The following CNTN6 variants were observed in gnomAD, a reference collection of about 807,000 sequenced individuals.
The protein encoded by CNTN6 is contactin 6.
A neutral mutation model predicts 122.8 loss-of-function variants in CNTN6; 137 were observed. The observed-to-expected ratio is 1.12, with a 90% CI of 0.97 to 1.29. CNTN6 has a LOEUF of 1.29. CNTN6 is among the 50% of genes most tolerant of loss of function. The pLI is 0.00. For missense variants in CNTN6, 1,634 were observed against 1,223.4 expected (o/e 1.34, Z -5.01); for synonymous variants, 570 against 426.0 (o/e 1.34, Z -4.16).
Position 1,227,799 on chromosome 3 carries a change from A to ATT in CNTN6, c.183-10_183-9dup. On this transcript the variant is annotated intron_variant, in intron 3 of 22. Coordinates refer to ENST00000446702, the MANE Select transcript of CNTN6 (RefSeq NM_001289080.2). ...TGACTCTGTATATTATAAGCACTTT[A>ATT]TTTTTTTTTTCCTTGAAGGTGGAAG... 1 of 1,500,536 alleles carries ATT rather than the reference A, an allele frequency of 6.7e-7. No homozygotes were observed. Among genetic ancestry groups the ATT allele is most frequent in the Non-Finnish European group, 9.1e-7 (1 of 1,096,064 alleles). 93.0% of individuals were successfully genotyped at this position (1,500,536 alleles called of 1,614,324 possible). A position where few individuals can be genotyped will look rare whatever the true frequency, so the allele number is the denominator to read the frequency against.
chr3:1,122,354 GGGAAGGAGGAAGGAA>G (rs1417071269), intron 1 of CNTN6, among the ~76,000 whole-genome samples: 1 of 120,474 alleles, frequency 8.3e-6, no homozygotes, highest in Admixed American at 7.6e-5. Flanking sequence ...GAGGGAAGGA[GGGAAGGAGGAAGGAA>G]GGAAGGAAGG....
chr3:1,230,157 TGA>T (rs2094335935), intron 4 of CNTN6, among the ~76,000 whole-genome samples: 1 of 152,178 alleles, frequency 6.6e-6, no homozygotes, highest in Non-Finnish European at 1.5e-5. Flanking sequence ...ATATCAATTG[TGA>T]TAGAAAAGGC....
intron 4 of CNTN6, among the ~76,000 whole-genome samples, chr3:1,247,623 G>C (rs1412555458): frequency 6.6e-6 from 1 of 152,084 alleles, no homozygotes; most frequent in East Asian, 1.9e-4. Context: ...ATCTTTCATT[G>C]GATAAAAATA....
Position 1,235,696 on chromosome 3 carries a change from C to T in CNTN6, c.358+7703C>T, listed in dbSNP as rs1386516062. 2.0e-5 allele frequency among the ~76,000 whole-genome samples: 3 copies of T among 152,204 alleles called. No individual in the cohort carries two copies. In the South Asian group the frequency reaches 6.2e-4, roughly 32 times the overall value. ...TACCCCAGGAACATACCAGGAAAGC[C>T]GAGAGAATCCACAAACCCTTTGAAA... is the stretch of plus-strand genomic sequence containing the variant. On this transcript the variant is annotated intron_variant, in intron 4 of 22. Transcript: ENST00000446702.
intron 3 of CNTN6, among the ~76,000 whole-genome samples, chr3:1,222,336 A>G (rs2094218235): frequency 6.6e-6 from 1 of 152,214 alleles, no homozygotes; most frequent in Admixed American, 6.5e-5. Flanking sequence ...TAGTGAGATC[A>G]CCTAATACTT....
chr3:1,133,067 T>A (rs1346594111), intron 1 of CNTN6, among the ~76,000 whole-genome samples: 2 of 152,018 alleles, frequency 1.3e-5, no homozygotes, highest in African/African-American at 4.8e-5. Flanking sequence ...ATACACAAGA[T>A]CCTGAAAAAT....
chr3:1,402,889 G>A (rs925597288), intron 22 of CNTN6: 15 of 190,656 alleles, frequency 7.9e-5, no homozygotes, highest in Non-Finnish European at 1.4e-4. Context: ...AATCAAGTGT[G>A]GCTTTCATAA....
chr3:1,385,005 A>G (rs1692645279), intron 19 of CNTN6, among the ~76,000 whole-genome samples: 1 of 151,720 alleles, frequency 6.6e-6, no homozygotes, highest in African/African-American at 2.4e-5. Flanking sequence ...TATTTTGTCA[A>G]ATTCTTGTAG....
intron 4 of CNTN6, among the ~76,000 whole-genome samples, chr3:1,265,588 AAC>A (rs1257048635): frequency 3.3e-5 from 5 of 152,216 alleles, no homozygotes; most frequent in African/African-American, 1.2e-4. Flanking sequence ...GGCAAAAGAA[AAC>A]ACAAATTACT....
chr3:1,324,737 C>A (rs1282294623), intron 8 of CNTN6, among the ~76,000 whole-genome samples: 1 of 149,404 alleles, frequency 6.7e-6, no homozygotes, highest in Non-Finnish European at 1.5e-5. Flanking sequence ...CCTTTTTTTC[C>A]TGATGCTTTT....
In CNTN6 at chr3:1,220,010, A is replaced by AAAAAGAAAAGAAAAAAG. The variant is rs1553630234; in HGVS notation, c.56-674_56-673insAGAAAAGAAAAAAGAAA. Reference sequence around the variant, plus strand: ...GAATGACAATCTGTCTCAAAAAATAAAAAGAAAATAAAAAAGAAAAAAAAT... The same window carrying AAAAAGAAAAGAAAAAAG: ...GAATGACAATCTGTCTCAAAAAATAAAAAAGAAAAGAAAAAAGAAAGAAAATAAAAAAGAAAAAAAAT... On this transcript the variant is annotated intron_variant, in intron 2 of 22. Coordinates refer to ENST00000446702, the MANE Select transcript of CNTN6 (RefSeq NM_001289080.2). Among the ~76,000 whole-genome samples, 218 of 151,620 alleles carry AAAAAGAAAAGAAAAAAG rather than the reference A, an allele frequency of 1.4e-3. 2 individuals are homozygous for AAAAAGAAAAGAAAAAAG. The highest frequency in any genetic ancestry group is 5.1e-3 in the African/African-American group (211 of 41,194).
chr3:1,346,675 T>G (rs1382403928), intron 11 of CNTN6, among the ~76,000 whole-genome samples: 1 of 152,096 alleles, frequency 6.6e-6, no homozygotes, highest in Non-Finnish European at 1.5e-5. Flanking sequence ...CCATTTTTCT[T>G]TATAAATTAC....
intron 11 of CNTN6, among the ~76,000 whole-genome samples, chr3:1,334,665 G>T (rs185297044): frequency 1.3e-5 from 2 of 152,116 alleles, no homozygotes; most frequent in Admixed American, 1.3e-4. Context: ...TTGGTTGGAT[G>T]GATTCAGAGT....
chr3:1,126,819 A>G (rs1309463321), intron 1 of CNTN6, among the ~76,000 whole-genome samples: 1 of 151,802 alleles, frequency 6.6e-6, no homozygotes, highest in Non-Finnish European at 1.5e-5. Context: ...GATTCTTCCA[A>G]CATCACCAAG....
At chr3:1,340,145 T>G (rs1423475073) in intron 11 of CNTN6, among the ~76,000 whole-genome samples, 1 of 152,148 alleles carries the variant, frequency 6.6e-6, no homozygotes, top group Admixed American at 6.6e-5. Context: ...AGAAAAACAT[T>G]CAGTTCTGAG....
At chr3:1,332,118 C>A (rs1468131900) in intron 11 of CNTN6, among the ~76,000 whole-genome samples, 1 of 151,890 alleles carries the variant, frequency 6.6e-6, no homozygotes, top group East Asian at 1.9e-4. Flanking sequence ...AACATACATA[C>A]AAACAAGCAA....
At chr3:1,137,935 C>A (rs560238829) in intron 1 of CNTN6, among the ~76,000 whole-genome samples, 25 of 152,330 alleles carry the variant, frequency 1.6e-4, no homozygotes, top group Admixed American at 1.2e-3. Flanking sequence ...CAGTTTTGCT[C>A]TCCTGAGACA....
intron 7 of CNTN6, among the ~76,000 whole-genome samples, chr3:1,320,085 A>G (rs1167122371): frequency 1.3e-5 from 2 of 151,632 alleles, no homozygotes; most frequent in Non-Finnish European, 3.0e-5. Context: ...TCTGAGGTTA[A>G]TTGTTGCCAT....
intron 1 of CNTN6, among the ~76,000 whole-genome samples, chr3:1,104,230 T>C (rs2091105838): frequency 6.6e-6 from 1 of 150,992 alleles, no homozygotes; most frequent in South Asian, 2.1e-4. Context: ...TTAGAAGCCA[T>C]TAAATTATTT....
Sources: allele counts gnomAD v4.1 joint callset (sites outside exome capture counted in the v4.1 genomes callset), GRCh38; gene constraint gnomAD v4.1.1; transcripts MANE v1.5; gene names NCBI Gene and HGNC (gene_info 2026-07-23, HGNC 2026-07-21).